WNT4: variants seen among roughly 807,000 people sequenced by gnomAD.
WNT4 encodes Wnt family member 4.
In WNT4, 16 loss-of-function variants were observed where a neutral mutation model predicts 34.5. The ratio of observed to expected loss-of-function variants is 0.46; its 90% CI spans 0.31 to 0.70. The LOEUF (loss-of-function observed/expected upper bound fraction) is 0.70. WNT4 is among the 30% of genes least tolerant of loss of function. The probability of loss-of-function intolerance (pLI) is 0.04; values close to 1 mark genes in which losing one functional copy is unlikely to be tolerated. For missense variants in WNT4, 379 were observed against 495.9 expected, an observed-to-expected ratio of 0.76 and a Z score of 2.24; for synonymous variants, 200 against 211.9, an observed-to-expected ratio of 0.94 and a Z score of 0.49.
At chr1:22,136,921 C>T (rs1646026900) in intron 1 of WNT4, among the ~76,000 whole-genome samples, 1 of 152,150 alleles carries the variant, frequency 6.6e-6, no homozygotes, top group South Asian at 2.1e-4. Flanking sequence ...GTCTCCAGCC[C>T]TTGGGGAAGG....
In WNT4 at chr1:22,121,494, C is replaced by T. The variant is rs371794096; in HGVS notation, c.396G>A (p.Glu132=). Residue 132 remains glutamate, a synonymous_variant, in exon 3 of 5, where the codon GAG becomes GAA. Coordinates refer to ENST00000290167, the MANE Select transcript of WNT4 (RefSeq NM_030761.5). ...FAVTRACSSG[E]LEKCGCDRTV... ...TCCTGTCACAGCCGCACTTCTCCAG[C>T]TCCCCACTGCTGCACGCCCGCGTCA... 4.2e-5 allele frequency: 67 copies of T among 1,613,968 alleles called. No homozygotes were observed. Among genetic ancestry groups the T allele is most frequent in the Non-Finnish European group, 3.1e-5 (37 of 1,180,038 alleles).
rs935579870 is a variant in WNT4, at chr1:22,139,185, C to G, written c.77+3661G>C. On this transcript the variant is annotated intron_variant, in intron 1 of 4. Transcript: ENST00000290167. This position sits in a 1 kb window ranked among gnomAD's most constrained non-coding sequence, Gnocchi z 4.6. ...GCTTGGGAGCAGCAGCCTGAAGGCC[C>G]GTTTTCTCCACCACCCCTATCAATA... 6.6e-6 allele frequency among the ~76,000 whole-genome samples: 1 copy of G among 152,138 alleles called. No homozygotes were observed. Among genetic ancestry groups the G allele is most frequent in the Non-Finnish European group, 1.5e-5 (1 of 68,010 alleles).
At position 22,142,984 on chromosome 1, in the gene WNT4, G is replaced by A; in HGVS notation, c.-62C>T. 2 of 941,612 alleles carry A rather than the reference G, an allele frequency of 2.1e-6. No homozygotes were observed. The highest frequency in any genetic ancestry group is 2.5e-6 in the Non-Finnish European group (2 of 793,280). The allele number at this position is 941,612 out of a possible 1,614,324, so 58.3% of individuals were successfully genotyped here. A position where few individuals can be genotyped will look rare whatever the true frequency, so the allele number is the denominator to read the frequency against. ...GCGGCCGCGGGGGGCCTCCCGTCGGGGCTGCAGGTGGGCGCCCGCGGGCGG... is the reference window on the plus strand; with the variant it reads ...GCGGCCGCGGGGGGCCTCCCGTCGGAGCTGCAGGTGGGCGCCCGCGGGCGG... On this transcript the variant is annotated 5_prime_UTR_variant, in exon 1 of 5. Transcript: ENST00000290167. This position sits in a 1 kb window ranked among gnomAD's most constrained non-coding sequence, Gnocchi z 6.0.
intron 2 of WNT4, among the ~76,000 whole-genome samples, chr1:22,124,850 CGGAG>C (rs1195377734): frequency 2.6e-5 from 4 of 152,112 alleles, no homozygotes; most frequent in Non-Finnish European, 5.9e-5. Flanking sequence ...CGTATCTTGT[CGGAG>C]GTGAGGCCAG....
chr1:22,125,249 T>C lies in WNT4; in HGVS notation c.314-3673A>G, dbSNP rs1040639830. 2.0e-5 allele frequency among the ~76,000 whole-genome samples: 3 copies of C among 152,114 alleles called. 1 individual carries two copies. Among genetic ancestry groups the C allele is most frequent in the African/African-American group, 7.2e-5 (3 of 41,474 alleles). Reference sequence around the variant, plus strand: ...TCAGAATCAGGATGTCCCCCAGTTTTATCTTCTAATTGTCTTGTGTGTGTC... The same window carrying C: ...TCAGAATCAGGATGTCCCCCAGTTTCATCTTCTAATTGTCTTGTGTGTGTC... On this transcript the variant is annotated intron_variant, in intron 2 of 4. Coordinates refer to ENST00000290167, the MANE Select transcript of WNT4 (RefSeq NM_030761.5).
At chr1:22,124,141 TAGAG>T (rs1375228171) in intron 2 of WNT4, among the ~76,000 whole-genome samples, 1 of 152,140 alleles carries the variant, frequency 6.6e-6, no homozygotes, top group Non-Finnish European at 1.5e-5. Context: ...CACTCAGATA[TAGAG>T]AAAGAACTGT....
In WNT4 at chr1:22,117,496, G is replaced by A. The variant is rs1217505502; in HGVS notation, c.*2554C>T. On this transcript the variant is annotated 3_prime_UTR_variant, in exon 5 of 5. Coordinates refer to ENST00000290167, the MANE Select transcript of WNT4 (RefSeq NM_030761.5). Reference sequence around the variant, plus strand: ...TTTGCCTTGGGACGAGAGGAGAGTGGTTTGGGCAGGATGTGGACCCTCTGG... The same window carrying A: ...TTTGCCTTGGGACGAGAGGAGAGTGATTTGGGCAGGATGTGGACCCTCTGG... 1 of 152,366 alleles carries A rather than the reference G, an allele frequency of 6.6e-6. No homozygotes were observed. Among genetic ancestry groups the A allele is most frequent in the Non-Finnish European group, 1.5e-5 (1 of 68,162 alleles). The allele number at this position is 152,366 out of a possible 1,614,324, so 9.4% of individuals were successfully genotyped here.
At chr1:22,129,977 C>A (rs533030010) in intron 1 of WNT4, 126 bp from the exon 2 acceptor site, 2 of 1,103,862 alleles carry the variant, frequency 1.8e-6, no homozygotes, top group South Asian at 2.5e-5. Context: ...TGGCTGCCGA[C>A]TTCTCTCTGG....
chr1:22,121,999 C>A (rs1056417436), intron 2 of WNT4, among the ~76,000 whole-genome samples: 1 of 152,154 alleles, frequency 6.6e-6, no homozygotes, highest in Non-Finnish European at 1.5e-5. Flanking sequence ...ACCAGACAGG[C>A]TGGGAGAGGT....
rs1296019736 is a variant in WNT4 at position 22,142,759 on chromosome 1, C to G, written c.77+87G>C. 1.1e-6 allele frequency: 1 copy of G among 910,538 alleles called. No homozygotes were observed. The highest frequency in any genetic ancestry group is 1.8e-5 in the African/African-American group (1 of 55,122). The allele number at this position is 910,538 out of a possible 1,614,324, so 56.4% of individuals were successfully genotyped here. A position where few individuals can be genotyped will look rare whatever the true frequency, so the allele number is the denominator to read the frequency against. On this transcript the variant is annotated intron_variant, in intron 1 of 4. Coordinates refer to ENST00000290167, the MANE Select transcript of WNT4 (RefSeq NM_030761.5). The surrounding 1 kb of genome is among the most constrained non-coding windows in gnomAD (Gnocchi z 6.0). Reference sequence around the variant, plus strand: ...AGACACCTGCCGGGCTGCCCCGCGCCCGCTGCCCCGCGCCGCCTGGCACCG... The same window carrying G: ...AGACACCTGCCGGGCTGCCCCGCGCGCGCTGCCCCGCGCCGCCTGGCACCG...
chr1:22,121,614 G>T, intron 2 of WNT4, 38 bp from the exon 3 acceptor site: 1 of 1,606,036 alleles, frequency 6.2e-7, no homozygotes, highest in Non-Finnish European at 8.5e-7. Context: ...TGGGTCCCAG[G>T]GCTCCTCCCT....
chr1:22,125,293 G>C (rs1158597953), intron 2 of WNT4, among the ~76,000 whole-genome samples: 1 of 151,962 alleles, frequency 6.6e-6, no homozygotes, highest in Non-Finnish European at 1.5e-5. Flanking sequence ...GCAGCCTCAA[G>C]GCATTCCTAG....
intron 2 of WNT4, among the ~76,000 whole-genome samples, chr1:22,121,902 A>G (rs1645901974): frequency 6.6e-6 from 1 of 152,182 alleles, no homozygotes; most frequent in East Asian, 1.9e-4. Context: ...GCCAGCAGAC[A>G]GTCTGGCTTC....
chr1:22,137,760 ACACT>A lies in WNT4; in HGVS notation c.77+5082_77+5085del, dbSNP rs766496938. 6.6e-6 allele frequency among the ~76,000 whole-genome samples: 1 copy of A among 152,154 alleles called. No individual in the cohort carries two copies. The highest frequency in any genetic ancestry group is 1.5e-5 in the Non-Finnish European group (1 of 68,024). ...GGGGTGCTGCAGTGCTGGGGGAGAA[ACACT>A]CAGCCTGGCTCTCAGGGTCTGTTCC... On this transcript the variant is annotated intron_variant, in intron 1 of 4. Coordinates refer to ENST00000290167, the MANE Select transcript of WNT4 (RefSeq NM_030761.5). This position sits in a 1 kb window ranked among gnomAD's most constrained non-coding sequence, Gnocchi z 5.3.
At chr1:22,120,983 T>TG (rs928260953) in intron 4 of WNT4, among the ~76,000 whole-genome samples, 3 of 151,842 alleles carry the variant, frequency 2.0e-5, no homozygotes, top group Non-Finnish European at 4.4e-5. Context: ...TGTATGTGTG[T>TG]GGGGGGGCCA....
Position 22,120,082 on chromosome 1 carries a change from G to GGC in WNT4, c.1022_1023dup (p.Gln342AlafsTer23), listed in dbSNP as rs774151033. 6.2e-7 allele frequency: 1 copy of GGC among 1,611,872 alleles called. No individual in the cohort carries two copies. ...CACGTGTGCAACTCCACGAGCCGCT[G>GGC]GCACTGCCGGCACTTGACGAAGCAG... is the stretch of plus-strand genomic sequence containing the variant. On this transcript the variant is annotated frameshift_variant, in exon 5 of 5. Coordinates refer to ENST00000290167, the MANE Select transcript of WNT4 (RefSeq NM_030761.5). LOFTEE classifies it high-confidence loss of function.
rs1161552768 is a variant in WNT4 at position 22,132,144 on chromosome 1, T to C, written c.78-2293A>G. 2.6e-5 allele frequency among the ~76,000 whole-genome samples: 4 copies of C among 152,060 alleles called. No homozygotes were observed. The East Asian group carries it at 7.7e-4, about 29-fold the overall frequency. On this transcript the variant is annotated intron_variant, in intron 1 of 4. Transcript: ENST00000290167. The stretch of plus-strand genomic sequence containing the variant: ...CGTTCAGGCCACAGGTGTCCCTCGG[T>C]GGGGGGACAAGGAATTGAGCCTGAC...
At chr1:22,127,949 C>T (rs1645953028) in intron 2 of WNT4, among the ~76,000 whole-genome samples, 1 of 152,132 alleles carries the variant, frequency 6.6e-6, no homozygotes, top group South Asian at 2.1e-4. Flanking sequence ...GAAACCCTGC[C>T]AATCTATCCA....
intron 1 of WNT4, among the ~76,000 whole-genome samples, chr1:22,135,929 C>T (rs920432190): frequency 1.1e-4 from 17 of 152,290 alleles, no homozygotes; most frequent in Admixed American, 8.5e-4. Flanking sequence ...TGGGACCCCT[C>T]GCTCCCATCT....
Sources: allele counts gnomAD v4.1 joint callset (sites outside exome capture counted in the v4.1 genomes callset), GRCh38; gene constraint gnomAD v4.1.1; non-coding constraint Gnocchi (gnomAD v3.1); transcripts MANE v1.5; gene names NCBI Gene and HGNC (gene_info 2026-07-23, HGNC 2026-07-21).